LRP1B: variants seen among roughly 807,000 people sequenced by gnomAD.
LRP1B encodes the protein LDL receptor related protein 1B.
A neutral mutation model predicts 556.6 loss-of-function variants in LRP1B; 217 were observed. The observed-to-expected ratio is 0.39, with a 90% CI of 0.35 to 0.44. LRP1B has a LOEUF of 0.44. Among genes scored for constraint, LRP1B ranks in the 20% least tolerant of loss-of-function variants. The pLI is 1.00. For missense variants in LRP1B, 5,053 were observed against 5,620.8 expected (o/e 0.90, Z 3.23); for synonymous variants, 2,047 against 1,865.8 (o/e 1.10, Z -2.50).
rs1181754365 is a variant in LRP1B at position 140,506,927 on chromosome 2, G to C, written c.8399-9C>G. 2 of 1,611,612 alleles carry C rather than the reference G, an allele frequency of 1.2e-6. No homozygotes were observed. Among genetic ancestry groups the C allele is most frequent in the Admixed American group, 1.7e-5 (1 of 59,604 alleles). ...ACATGTATTATTGGGAGCTAAGAAAGGCATCACAAAAAATAAAGTTAGATG... is the reference window on the plus strand; with the variant it reads ...ACATGTATTATTGGGAGCTAAGAAACGCATCACAAAAAATAAAGTTAGATG... On this transcript the variant is annotated splice_polypyrimidine_tract_variant and intron_variant, in intron 52 of 90. Transcript: ENST00000389484.
chr2:141,124,190 A>G (rs1701138838), intron 7 of LRP1B, among the ~76,000 whole-genome samples: 1 of 152,156 alleles, frequency 6.6e-6, no homozygotes, highest in African/African-American at 2.4e-5. Context: ...CAGAATTGAT[A>G]GTGAAATAAA....
intron 18 of LRP1B, among the ~76,000 whole-genome samples, chr2:140,976,480 A>T (rs1301198538): frequency 3.0e-5 from 4 of 131,976 alleles, no homozygotes; most frequent in African/African-American, 8.5e-5. Context: ...TTTCTACTCC[A>T]TTGAACTATC....
chr2:141,837,066 G>A (rs917028953), intron 1 of LRP1B, among the ~76,000 whole-genome samples: 1 of 151,906 alleles, frequency 6.6e-6, no homozygotes. Flanking sequence ...CAGAAAAATG[G>A]GATTATAACT....
chr2:141,442,441 T>TTA (rs1553515569), intron 3 of LRP1B, among the ~76,000 whole-genome samples: 1 of 151,278 alleles, frequency 6.6e-6, no homozygotes, highest in African/African-American at 2.4e-5. Flanking sequence ...TTTTTTTTTT[T>TTA]AATTATACTT....
chr2:141,190,638 C>G (rs1351183619), intron 6 of LRP1B, among the ~76,000 whole-genome samples: 1 of 151,976 alleles, frequency 6.6e-6, no homozygotes, highest in African/African-American at 2.4e-5. Flanking sequence ...ACCAGCAATA[C>G]TGGTCTGTTT....
At chr2:140,961,851 C>T (rs111311647) in intron 18 of LRP1B, among the ~76,000 whole-genome samples, 3,550 of 152,148 alleles carry the variant, frequency 0.023, 70 homozygotes, top group South Asian at 0.035. Context: ...TTTTCAGAAA[C>T]CAAGAAATGG....
At chr2:140,265,377 G>C (rs184290949) in intron 86 of LRP1B, among the ~76,000 whole-genome samples, 1 of 152,042 alleles carries the variant, frequency 6.6e-6, no homozygotes, top group Admixed American at 6.6e-5. Flanking sequence ...TCTAGTTTTT[G>C]TTCTTTTTCC....
intron 60 of LRP1B, among the ~76,000 whole-genome samples, chr2:140,473,690 C>T (rs1473079384): frequency 1.3e-5 from 2 of 151,700 alleles, no homozygotes; most frequent in Non-Finnish European, 3.0e-5. Flanking sequence ...TAGTCACCTA[C>T]CTAATAACAA....
chr2:141,039,103 C>G (rs183716186), intron 11 of LRP1B, among the ~76,000 whole-genome samples: 85 of 152,072 alleles, frequency 5.6e-4, no homozygotes, highest in Admixed American at 4.9e-3. Context: ...CATTTTGAAA[C>G]CTTGCACTGT....
rs553072838 is a variant in LRP1B, at chr2:141,037,027, C to CT, written c.1789+11958dup. 3.1e-3 allele frequency among the ~76,000 whole-genome samples: 475 copies of CT among 151,988 alleles called. 4 individuals are homozygous for CT. The highest frequency in any genetic ancestry group is 0.011 in the African/African-American group (460 of 41,482). On this transcript the variant is annotated intron_variant, in intron 11 of 90. Transcript: ENST00000389484. The stretch of plus-strand genomic sequence containing the variant: ...AGACTGGCACAAGAGAAAAGAGAAC[C>CT]TTTTTTTGCATCCACCATGAATCTT...
intron 75 of LRP1B, among the ~76,000 whole-genome samples, chr2:140,354,303 C>T (rs1419935926): frequency 6.6e-6 from 1 of 152,074 alleles, no homozygotes; most frequent in Admixed American, 6.6e-5. Flanking sequence ...GAGGTAGAGA[C>T]ACTTGTAAAT....
intron 2 of LRP1B, among the ~76,000 whole-genome samples, chr2:141,808,856 C>A (rs75214935): frequency 6.6e-6 from 1 of 152,000 alleles, no homozygotes; most frequent in East Asian, 1.9e-4. Context: ...AACATGTGAT[C>A]TTTTTTGATG....
intron 3 of LRP1B, among the ~76,000 whole-genome samples, chr2:141,464,606 A>ATATTTT: frequency 1.7e-4 from 15 of 90,490 alleles, no homozygotes; most frequent in Non-Finnish European, 2.9e-4. Context: ...ATATATATAT[A>ATATTTT]TTTTTTTAGT....
At chr2:142,101,352 C>T (rs1706561774) in intron 1 of LRP1B, among the ~76,000 whole-genome samples, 1 of 151,954 alleles carries the variant, frequency 6.6e-6, no homozygotes, top group Non-Finnish European at 1.5e-5. Flanking sequence ...ATGATTTGGA[C>T]TGAAGCTGGC....
At chr2:141,684,584 C>A (rs534975712) in intron 2 of LRP1B, among the ~76,000 whole-genome samples, 2 of 151,842 alleles carry the variant, frequency 1.3e-5, no homozygotes, top group South Asian at 4.2e-4. Context: ...ACACATGTAT[C>A]CCAGAACTTA....
intron 3 of LRP1B, among the ~76,000 whole-genome samples, chr2:141,388,361 G>A (rs112463481): frequency 0.056 from 8,581 of 152,136 alleles, 284 homozygotes; most frequent in South Asian, 0.083. Flanking sequence ...GCTTGAACCC[G>A]TGAGGCAGAG....
chr2:140,278,199 T>A (rs1179728082), intron 84 of LRP1B, among the ~76,000 whole-genome samples: 1 of 151,968 alleles, frequency 6.6e-6, no homozygotes, highest in African/African-American at 2.4e-5. Context: ...AAGAAGGATT[T>A]ATCTTACAGG....
intron 87 of LRP1B, among the ~76,000 whole-genome samples, chr2:140,240,409 T>C (rs1363493648): frequency 6.6e-6 from 1 of 150,748 alleles, no homozygotes; most frequent in Non-Finnish European, 1.5e-5. Flanking sequence ...TGGAGGAGAC[T>C]TGGTTTTCTA....
chr2:141,654,465 T>TG (rs1689925086), intron 2 of LRP1B, among the ~76,000 whole-genome samples: 1 of 152,066 alleles, frequency 6.6e-6, no homozygotes, highest in Non-Finnish European at 1.5e-5. Flanking sequence ...TGTGAACAGG[T>TG]GTGTTCCTGG....
Sources: gnomAD v4.1 joint callset for allele counts (sites outside exome capture counted in the v4.1 genomes callset) on GRCh38, gnomAD v4.1.1 for gene constraint, MANE v1.5 for transcripts, NCBI Gene and HGNC (gene_info 2026-07-23, HGNC 2026-07-21) for gene names.